The following BCKDHB variants were observed in gnomAD, a reference collection of about 807,000 sequenced individuals.
BCKDHB encodes the protein branched chain keto acid dehydrogenase E1 subunit beta.
Under a neutral mutation model 48.5 loss-of-function variants are expected in BCKDHB, and 41 were observed. That is an observed-to-expected ratio of 0.85 (90% CI 0.66 to 1.10). The LOEUF (loss-of-function observed/expected upper bound fraction) is 1.10. BCKDHB is among the 50% of genes least tolerant of loss of function. The pLI, the probability that BCKDHB is intolerant of heterozygous loss-of-function variation, is 0.00. For missense variants in BCKDHB, 496 were observed against 494.2 expected, an observed-to-expected ratio of 1.00 and a Z score of -0.03; for synonymous variants, 201 against 174.8, an observed-to-expected ratio of 1.15 and a Z score of -1.18.
the BCKDHB span, among the ~76,000 whole-genome samples, chr6:80,435,367 C>A: frequency 6.6e-6 from 1 of 152,160 alleles, no homozygotes; most frequent in Non-Finnish European, 1.5e-5. Flanking sequence ...TGGAGACAGA[C>A]AATCCAGGAC....
intron 9 of BCKDHB, among the ~76,000 whole-genome samples, chr6:80,279,433 G>A (rs1208395983): frequency 1.3e-5 from 2 of 152,090 alleles, no homozygotes; most frequent in African/African-American, 4.8e-5. Context: ...TGGGATTACA[G>A]GCGTGAGCCG....
intron 1 of BCKDHB, among the ~76,000 whole-genome samples, chr6:80,110,180 A>T (rs1562053003): frequency 6.6e-6 from 1 of 152,168 alleles, no homozygotes; most frequent in Non-Finnish European, 1.5e-5. Context: ...GTTCTCTGAG[A>T]ACAGTTCATC....
At chr6:80,186,229 G>C (rs941043608) in intron 6 of BCKDHB, among the ~76,000 whole-genome samples, 2 of 152,134 alleles carry the variant, frequency 1.3e-5, no homozygotes, top group African/African-American at 4.8e-5. Flanking sequence ...GTGGGGGCAG[G>C]CCTAGGCAGG....
chr6:80,305,964 T>A (rs929304682), intron 9 of BCKDHB, among the ~76,000 whole-genome samples: 3 of 152,128 alleles, frequency 2.0e-5, no homozygotes, highest in Non-Finnish European at 4.4e-5. Context: ...CAGCACTACT[T>A]CTTATTTGCT....
At chr6:80,199,326 A>G (rs1246844749) in intron 6 of BCKDHB, among the ~76,000 whole-genome samples, 1 of 152,140 alleles carries the variant, frequency 6.6e-6, no homozygotes, top group African/African-American at 2.4e-5. Flanking sequence ...TGGAGTTGGA[A>G]GGGCTAACTG....
chr6:80,299,167 A>C lies in BCKDHB; in HGVS notation c.1038+25946A>C, dbSNP rs958700820. ...TCAAGCATCCTTGCCTTTTATTAAG[A>C]GGGGCCTTTAACCCACTCTGTCTTA... On this transcript the variant is annotated intron_variant, in intron 9 of 9. Transcript: ENST00000320393. Among the ~76,000 whole-genome samples, 3 of 152,204 alleles carry C rather than the reference A, an allele frequency of 2.0e-5. No homozygotes were observed. The East Asian group carries it at 5.8e-4, about 29-fold the overall frequency.
intron 8 of BCKDHB, among the ~76,000 whole-genome samples, chr6:80,252,491 T>C (rs901711947): frequency 6.6e-6 from 1 of 152,174 alleles, no homozygotes; most frequent in Non-Finnish European, 1.5e-5. Flanking sequence ...TCAAGGTTAT[T>C]GGTCATAAGT....
intron 9 of BCKDHB, among the ~76,000 whole-genome samples, chr6:80,313,318 T>C (rs979061309): frequency 6.6e-6 from 1 of 152,116 alleles, no homozygotes; most frequent in Non-Finnish European, 1.5e-5. Flanking sequence ...TTTATTTGAA[T>C]CTTCTCTCTT....
At chr6:80,257,593 G>A (rs934968060) in intron 8 of BCKDHB, among the ~76,000 whole-genome samples, 3 of 152,026 alleles carry the variant, frequency 2.0e-5, no homozygotes, top group African/African-American at 7.2e-5. Flanking sequence ...TTCGTTTTAT[G>A]TGCTTATCGA....
the BCKDHB span, among the ~76,000 whole-genome samples, chr6:80,392,622 G>T: frequency 4.0e-5 from 6 of 151,414 alleles, no homozygotes. Flanking sequence ...TTAATTTCAT[G>T]TTGCCTTTTA....
intron 8 of BCKDHB, among the ~76,000 whole-genome samples, chr6:80,270,833 G>A (rs900086523): frequency 4.6e-5 from 7 of 152,104 alleles, no homozygotes; most frequent in Non-Finnish European, 1.0e-4. Context: ...TTGGATCTCA[G>A]GATTCCTTTG....
In BCKDHB at chr6:80,140,551, A is replaced by G. The variant is rs576479599; in HGVS notation, c.343+11322A>G. ...TTTGTCAAAGGCCTTTTCTGCATCT[A>G]TTGAGATAATCATGTGGTTTTTGTC... On this transcript the variant is annotated intron_variant, in intron 3 of 9. Transcript: ENST00000320393. Among the ~76,000 whole-genome samples, 4 of 152,194 alleles carry G rather than the reference A, an allele frequency of 2.6e-5. No homozygotes were observed. The East Asian group carries it at 7.7e-4, about 29-fold the overall frequency.
the BCKDHB span, among the ~76,000 whole-genome samples, chr6:80,387,796 C>A: frequency 2.6e-5 from 4 of 152,182 alleles, no homozygotes; most frequent in Non-Finnish European, 5.9e-5. Flanking sequence ...TTTGGAGAGA[C>A]CTTGGTCGCT....
At chr6:80,252,404 AC>A (rs1776873145) in intron 8 of BCKDHB, among the ~76,000 whole-genome samples, 1 of 152,192 alleles carries the variant, frequency 6.6e-6, no homozygotes, top group South Asian at 2.1e-4. Flanking sequence ...CTTGAACCAA[AC>A]ATATTTATAA....
At chr6:80,196,424 T>C (rs1774133501) in intron 6 of BCKDHB, among the ~76,000 whole-genome samples, 1 of 152,164 alleles carries the variant, frequency 6.6e-6, no homozygotes. Flanking sequence ...AGTTGTTGCT[T>C]CCCTTTAGAT....
At chr6:80,343,432 A>G in intron 9 of BCKDHB, 1 of 558,182 alleles carries the variant, frequency 1.8e-6, no homozygotes. Context: ...GGCTTAGACA[A>G]TAGATATATA....
intron 1 of BCKDHB, among the ~76,000 whole-genome samples, chr6:80,126,961 A>C (rs2127725474): frequency 1.3e-5 from 2 of 152,276 alleles, no homozygotes; most frequent in Admixed American, 1.3e-4. Context: ...CTCCTAAAAA[A>C]TCCATTTAGG....
At chr6:80,460,253 C>G in the BCKDHB span, among the ~76,000 whole-genome samples, 13 of 152,064 alleles carry the variant, frequency 8.5e-5, no homozygotes, top group Non-Finnish European at 1.9e-4. Flanking sequence ...AACTCCAAAT[C>G]AAAGATAATG....
chr6:80,236,344 G>A (rs1324122), intron 8 of BCKDHB, among the ~76,000 whole-genome samples: 56,361 of 152,064 alleles, frequency 0.37, 12,138 homozygotes, highest in Admixed American at 0.55. Context: ...ACTTTTAGGT[G>A]ATCAGTCAAT....
Sources: allele counts gnomAD v4.1 joint callset (sites outside exome capture counted in the v4.1 genomes callset), GRCh38; gene constraint gnomAD v4.1.1; transcripts MANE v1.5; gene names NCBI Gene and HGNC (gene_info 2026-07-23, HGNC 2026-07-21).